The following CECR2 variants were observed in gnomAD, a reference collection of about 807,000 sequenced individuals.
CECR2 encodes the protein chromatin remodeling regulator CECR2.
A neutral mutation model predicts 154.5 loss-of-function variants in CECR2; 30 were observed. The observed-to-expected ratio is 0.19, with a 90% CI of 0.15 to 0.26. CECR2 has a LOEUF of 0.26. Ranked by LOEUF, CECR2 falls within the 10% of genes least tolerant of loss-of-function variation. The pLI, the probability that CECR2 is intolerant of heterozygous loss-of-function variation, is 1.00. For missense variants in CECR2, 1,743 were observed against 1,829.3 expected (o/e 0.95, Z 0.86); for synonymous variants, 725 against 683.7 (o/e 1.06, Z -0.94).
At chr22:17,466,569 G>T (rs1322081347) in intron 1 of CECR2, among the ~76,000 whole-genome samples, 2 of 151,180 alleles carry the variant, frequency 1.3e-5, no homozygotes, top group Non-Finnish European at 2.9e-5. Flanking sequence ...CCCCAAGATG[G>T]TAACCACTAT....
chr22:17,454,941 C>T (rs779252974), intron 1 of CECR2, among the ~76,000 whole-genome samples: 7 of 152,040 alleles, frequency 4.6e-5, no homozygotes, highest in African/African-American at 4.8e-5. Context: ...GAGAGTACAC[C>T]GAACAAAGGA....
chr22:17,457,347 T>C (rs1343879775), intron 1 of CECR2, among the ~76,000 whole-genome samples: 5 of 152,254 alleles, frequency 3.3e-5, no homozygotes, highest in Non-Finnish European at 7.3e-5. Flanking sequence ...AGTTTTGTCT[T>C]GCTCTCTGTC....
Position 17,369,664 on chromosome 22 carries a change from A to G in CECR2, c.-120A>G, listed in dbSNP as rs1192723517. 6.9e-6 allele frequency: 1 copy of G among 145,806 alleles called. No homozygotes were observed. Among genetic ancestry groups the G allele is most frequent in the African/African-American group, 2.5e-5 (1 of 40,206 alleles). The allele number at this position is 145,806 out of a possible 1,614,324, so 9.0% of individuals were successfully genotyped here. A position where few individuals can be genotyped will look rare whatever the true frequency, so the allele number is the denominator to read the frequency against. On this transcript the variant is annotated 5_prime_UTR_variant, in exon 1 of 19. Transcript: ENST00000262608. ...GCCGAGCGGCGGCAGCAGCGGGAGG[A>G]GCGCCCCGCCGCCCCCGCCGAGGAC...
Position 17,516,361 on chromosome 22 carries a change from ACAG to A in CECR2, c.954+4469_954+4471del, listed in dbSNP as rs1320152782. Among the ~76,000 whole-genome samples the A allele has an allele frequency of 4.6e-5, 7 of 152,148 alleles. No homozygotes were observed. In the East Asian group the frequency reaches 1.3e-3, roughly 29 times the overall value. ...GCACCTGTGTGTACACATGGATGGC[ACAG>A]CAGAAGGGAACACAAATCTCGAAGT... On this transcript the variant is annotated intron_variant, in intron 8 of 18. Transcript: ENST00000262608.
chr22:17,395,719 T>C (rs751692001), intron 1 of CECR2, among the ~76,000 whole-genome samples: 10 of 152,312 alleles, frequency 6.6e-5, no homozygotes, highest in Non-Finnish European at 1.2e-4. Flanking sequence ...AACATTCATA[T>C]TTCTACAGAA....
At position 17,475,723 on chromosome 22, in the gene CECR2, G is replaced by A. The variant is rs17808986; in HGVS notation, c.127-1865G>A. 7.4e-3 allele frequency among the ~76,000 whole-genome samples: 1,125 copies of A among 152,296 alleles called. 29 individuals are homozygous for A. In the East Asian group the frequency reaches 0.075, roughly 10 times the overall value. ...TTTTGGCTTTGAAGATTTTGCTTCT[G>A]TTGTAAGTCACTGGGAGGCTTGCCC... is the stretch of plus-strand genomic sequence containing the variant. On this transcript the variant is annotated intron_variant, in intron 1 of 18. Transcript: ENST00000262608.
chr22:17,444,532 C>G (rs1467181821), intron 1 of CECR2, among the ~76,000 whole-genome samples: 2 of 151,950 alleles, frequency 1.3e-5, no homozygotes, highest in Non-Finnish European at 2.9e-5. Flanking sequence ...GAGACTGAGG[C>G]ACGAGAATCG....
At chr22:17,474,233 G>A (rs1378206086) in intron 1 of CECR2, among the ~76,000 whole-genome samples, 1 of 152,040 alleles carries the variant, frequency 6.6e-6, no homozygotes, top group Non-Finnish European at 1.5e-5. Flanking sequence ...ATTTTTGGGT[G>A]GGTTTTCTGG....
At chr22:17,404,575 G>A (rs544574711) in intron 1 of CECR2, among the ~76,000 whole-genome samples, 6 of 137,322 alleles carry the variant, frequency 4.4e-5, no homozygotes, top group Non-Finnish European at 6.1e-5. Flanking sequence ...GGGTTTCACC[G>A]TTTTAGCCGG....
intron 2 of CECR2, among the ~76,000 whole-genome samples, chr22:17,485,311 C>T (rs1196630763): frequency 1.3e-5 from 2 of 152,284 alleles, no homozygotes; most frequent in South Asian, 2.1e-4. Context: ...ACTGCAGCCC[C>T]GTGCTGTCAA....
chr22:17,440,816 C>T (rs1199095149), intron 1 of CECR2, among the ~76,000 whole-genome samples: 1 of 152,164 alleles, frequency 6.6e-6, no homozygotes, highest in African/African-American at 2.4e-5. Flanking sequence ...TTACAGACAT[C>T]CCCTGTGTTT....
intron 1 of CECR2, among the ~76,000 whole-genome samples, chr22:17,406,022 G>A (rs566853219): frequency 2.6e-5 from 4 of 152,262 alleles, no homozygotes; most frequent in African/African-American, 9.6e-5. Flanking sequence ...TATATTAGAA[G>A]TGTATTAGTT....
intron 2 of CECR2, among the ~76,000 whole-genome samples, chr22:17,481,106 G>C (rs2055307129): frequency 6.7e-6 from 1 of 149,066 alleles, no homozygotes; most frequent in Non-Finnish European, 1.5e-5. Flanking sequence ...CACTTTGGGA[G>C]GTGGAGGCGG....
At chr22:17,367,098 G>A (rs950389266), upstream of CECR2, among the ~76,000 whole-genome samples, 9 of 152,166 alleles carry the variant, frequency 5.9e-5, no homozygotes, top group Non-Finnish European at 1.3e-4. Flanking sequence ...GGCGCGTGCC[G>A]TTCCCGGACA....
At chr22:17,474,273 A>ATAGAATTATATT (rs2055174121) in intron 1 of CECR2, among the ~76,000 whole-genome samples, 1 of 152,172 alleles carries the variant, frequency 6.6e-6, no homozygotes, top group African/African-American at 2.4e-5. Context: ...ACATAATATC[A>ATAGAATTATATT]TAGAATTATA....
chr22:17,457,582 A>C (rs551380829), intron 1 of CECR2, among the ~76,000 whole-genome samples: 61 of 152,364 alleles, frequency 4.0e-4, no homozygotes, highest in African/African-American at 1.3e-3. Flanking sequence ...CCCAACAGCT[A>C]GACGGTTGCC....
intron 1 of CECR2, among the ~76,000 whole-genome samples, chr22:17,391,893 C>T (rs1211110611): frequency 6.6e-6 from 1 of 152,154 alleles, no homozygotes; most frequent in Non-Finnish European, 1.5e-5. Context: ...CTTCCGTCTC[C>T]CAGGTTCAAG....
At chr22:17,503,165 A>G in intron 6 of CECR2, 34 bp downstream of exon 6, 4 of 1,578,764 alleles carry the variant, frequency 2.5e-6, no homozygotes, top group Non-Finnish European at 3.5e-6. Flanking sequence ...GAAAGAATTA[A>G]ATAAATATGA....
chr22:17,520,051 G>A (rs566444860), intron 8 of CECR2, among the ~76,000 whole-genome samples: 1 of 152,160 alleles, frequency 6.6e-6, no homozygotes, highest in African/African-American at 2.4e-5. Context: ...GGCCTCCCAA[G>A]GTGCTGAGAT....
Sources: gnomAD v4.1 joint callset for allele counts (sites outside exome capture counted in the v4.1 genomes callset) on GRCh38, gnomAD v4.1.1 for gene constraint, MANE v1.5 for transcripts, NCBI Gene and HGNC (gene_info 2026-07-23, HGNC 2026-07-21) for gene names.